The following MYO5A variants were observed in gnomAD, a reference collection of about 807,000 sequenced individuals.
MYO5A encodes myosin VA, also known as unconventional myosin-Va.
Under a neutral mutation model 249.7 loss-of-function variants are expected in MYO5A, and 98 were observed. That is an observed-to-expected ratio of 0.39 (90% confidence interval 0.33 to 0.46). MYO5A has a LOEUF of 0.46. Ranked by LOEUF, MYO5A falls within the 20% of genes least tolerant of loss-of-function variation. The pLI is 0.98. For missense variants in MYO5A, 1,696 were observed against 2,308.8 expected (o/e 0.73, Z 5.44); for synonymous variants, 778 against 810.6 (o/e 0.96, Z 0.68).
intron 31 of MYO5A, among the ~76,000 whole-genome samples, chr15:52,341,527 C>T (rs2039383506): frequency 6.6e-6 from 1 of 152,184 alleles, no homozygotes; most frequent in African/African-American, 2.4e-5. Flanking sequence ...TCACTCTCTT[C>T]CAAATGCAAA....
intron 1 of MYO5A, among the ~76,000 whole-genome samples, chr15:52,457,283 A>C (rs1336602348): frequency 7.2e-5 from 11 of 152,080 alleles, no homozygotes; most frequent in Admixed American, 2.0e-4. Flanking sequence ...CTCTACAAAA[A>C]ATACAAAAAT....
At chr15:52,323,862 G>T (rs1282474127) in intron 36 of MYO5A, 2 of 261,702 alleles carry the variant, frequency 7.6e-6, no homozygotes, top group African/African-American at 4.5e-5. Flanking sequence ...AAATTAGCTG[G>T]GTGTGGTGGC....
At chr15:52,409,655 C>T (rs1380788896) in intron 6 of MYO5A, among the ~76,000 whole-genome samples, 6 of 152,066 alleles carry the variant, frequency 3.9e-5, no homozygotes, top group African/African-American at 1.4e-4. Context: ...CTAATGAAAC[C>T]CAAATCTCAC....
intron 1 of MYO5A, among the ~76,000 whole-genome samples, chr15:52,478,114 G>A (rs2076636337): frequency 6.6e-6 from 1 of 152,200 alleles, no homozygotes. Context: ...CGCAATGGCG[G>A]GCACCCCTCC....
At chr15:52,416,425 CT>C in intron 4 of MYO5A, 124 bp from the exon 5 acceptor site, 1 of 908,276 alleles carries the variant, frequency 1.1e-6, no homozygotes. Context: ...GATACTGGTG[CT>C]TATAACACCA....
chr15:52,344,249 T>C (rs1434765621), intron 30 of MYO5A, among the ~76,000 whole-genome samples: 1 of 152,206 alleles, frequency 6.6e-6, no homozygotes, highest in Non-Finnish European at 1.5e-5. Flanking sequence ...AAAATTTCTA[T>C]CTCAGTACAC....
intron 19 of MYO5A, 131 bp downstream of exon 19, chr15:52,376,216 A>G: frequency 1.3e-6 from 1 of 786,964 alleles, no homozygotes; most frequent in East Asian, 2.7e-5. Context: ...CTGTCCTATG[A>G]GTTAATTTGT....
intron 26 of MYO5A, 55 bp downstream of exon 26, chr15:52,353,816 G>T: frequency 6.2e-7 from 1 of 1,610,080 alleles, no homozygotes. Flanking sequence ...GGAAGAGACT[G>T]CTGAAATGGA....
chr15:52,479,192 G>C (rs889372533), intron 1 of MYO5A, among the ~76,000 whole-genome samples: 5 of 151,974 alleles, frequency 3.3e-5, no homozygotes, highest in Middle Eastern at 3.4e-3. Flanking sequence ...TAGCCAGGCT[G>C]GTCTCGAATG....
At chr15:52,469,265 G>T (rs999830620) in intron 1 of MYO5A, among the ~76,000 whole-genome samples, 4 of 152,232 alleles carry the variant, frequency 2.6e-5, no homozygotes, top group African/African-American at 4.8e-5. Context: ...ACTACTAATA[G>T]CCTCCTATTG....
intron 1 of MYO5A, 110 bp downstream of exon 1, chr15:52,528,670 C>T: frequency 3.9e-6 from 5 of 1,274,308 alleles, no homozygotes; most frequent in Non-Finnish European, 5.2e-6. Context: ...AAGGGGATGG[C>T]GCTGGTGGGG....
intron 18 of MYO5A, among the ~76,000 whole-genome samples, chr15:52,379,402 G>A (rs957461465): frequency 1.3e-5 from 2 of 152,176 alleles, no homozygotes; most frequent in Non-Finnish European, 2.9e-5. Flanking sequence ...TGTCTAAGAA[G>A]AATGTGTTTC....
chr15:52,336,773 C>T (rs1254371009), intron 33 of MYO5A, among the ~76,000 whole-genome samples: 2 of 152,186 alleles, frequency 1.3e-5, no homozygotes, highest in East Asian at 1.9e-4. Flanking sequence ...TCCTTTACAG[C>T]GTGATGGACA....
chr15:52,465,971 A>G (rs139699210), intron 1 of MYO5A, among the ~76,000 whole-genome samples: 9 of 152,256 alleles, frequency 5.9e-5, no homozygotes, highest in East Asian at 1.9e-4. Context: ...TGAATCCCCA[A>G]TATGGAAAAG....
At chr15:52,407,965 C>A (rs2043081688) in intron 7 of MYO5A, 94 bp downstream of exon 7, 2 of 861,126 alleles carry the variant, frequency 2.3e-6, no homozygotes, top group East Asian at 4.9e-5. Flanking sequence ...AGTATTCCAA[C>A]ATGAGATAAG....
At chr15:52,493,559 G>A (rs1481026876) in intron 1 of MYO5A, among the ~76,000 whole-genome samples, 1 of 152,098 alleles carries the variant, frequency 6.6e-6, no homozygotes, top group African/African-American at 2.4e-5. Flanking sequence ...CTACTCGGGA[G>A]GCTGAGGCAA....
chr15:52,390,188 G>C (rs964758847), intron 12 of MYO5A, among the ~76,000 whole-genome samples: 1 of 151,968 alleles, frequency 6.6e-6, no homozygotes, highest in Non-Finnish European at 1.5e-5. Flanking sequence ...ATGGTTAATA[G>C]GTACCAAAAA....
intron 9 of MYO5A, among the ~76,000 whole-genome samples, chr15:52,401,021 T>C (rs1299760202): frequency 6.6e-6 from 1 of 152,090 alleles, no homozygotes; most frequent in Non-Finnish European, 1.5e-5. Flanking sequence ...TATCCTTTAA[T>C]ATTTAATATT....
chr15:52,438,445 G>C (rs2075713679), intron 1 of MYO5A, among the ~76,000 whole-genome samples: 1 of 152,146 alleles, frequency 6.6e-6, no homozygotes, highest in Non-Finnish European at 1.5e-5. Context: ...CCTGGCCAAA[G>C]TGAATCAAAC....
Sources: allele counts gnomAD v4.1 joint callset (sites outside exome capture counted in the v4.1 genomes callset), GRCh38; gene constraint gnomAD v4.1.1; transcripts MANE v1.5; gene names NCBI Gene and HGNC (gene_info 2026-07-23, HGNC 2026-07-21).